The following CMIP variants were observed in gnomAD, a reference collection of about 807,000 sequenced individuals.
CMIP encodes the protein C-Maf-inducing protein.
Under a neutral mutation model 97.3 loss-of-function variants are expected in CMIP, and 13 were observed. The observed-to-expected ratio is 0.13, with a 90% CI of 0.09 to 0.21. CMIP has a LOEUF of 0.21. Ranked by LOEUF, CMIP falls within the 10% of genes least tolerant of loss-of-function variation. The probability of loss-of-function intolerance (pLI) is 1.00; values close to 1 mark genes in which losing one functional copy is unlikely to be tolerated. For synonymous variants in CMIP, 538 were observed against 436.3 expected (o/e 1.23, Z -2.91); for missense variants, 847 against 1,024.9 (o/e 0.83, Z 2.37).
intron 1 of CMIP, among the ~76,000 whole-genome samples, chr16:81,549,035 T>C (rs1325349266): frequency 6.6e-6 from 1 of 152,200 alleles, no homozygotes; most frequent in African/African-American, 2.4e-5. Flanking sequence ...CATGGGCCTG[T>C]ACTCAGTTCC....
chr16:81,650,618 G>A (rs2092417089), intron 3 of CMIP, among the ~76,000 whole-genome samples: 1 of 152,126 alleles, frequency 6.6e-6, no homozygotes, highest in Admixed American at 6.5e-5. Context: ...ATGCCGTATT[G>A]GCCTAGGTTT....
intron 2 of CMIP, among the ~76,000 whole-genome samples, chr16:81,608,321 C>T (rs911836232): frequency 1.3e-4 from 19 of 151,974 alleles, no homozygotes; most frequent in East Asian, 3.9e-4. Flanking sequence ...TTGCTGGATC[C>T]GGGGGTCAGA....
chr16:81,608,982 C>A (rs2091787141), intron 2 of CMIP, among the ~76,000 whole-genome samples: 2 of 152,194 alleles, frequency 1.3e-5, no homozygotes, highest in Admixed American at 1.3e-4. Flanking sequence ...GTCACCCAGT[C>A]TGGGCTCCAA....
chr16:81,657,489 C>T (rs1281041806), intron 4 of CMIP, among the ~76,000 whole-genome samples: 2 of 152,130 alleles, frequency 1.3e-5, no homozygotes, highest in African/African-American at 4.8e-5. Flanking sequence ...TTGACCGAAG[C>T]AGGAACTGAG....
intron 3 of CMIP, among the ~76,000 whole-genome samples, chr16:81,647,605 C>T (rs1243573565): frequency 6.6e-6 from 1 of 152,126 alleles, no homozygotes; most frequent in Non-Finnish European, 1.5e-5. Context: ...GGCCACCCAC[C>T]CCACCTGGCA....
intron 1 of CMIP, among the ~76,000 whole-genome samples, chr16:81,506,006 A>G (rs185524898): frequency 3.9e-5 from 6 of 152,364 alleles, no homozygotes; most frequent in Admixed American, 3.9e-4. Context: ...AAAATAAAAT[A>G]AAATAAATCA....
chr16:81,446,354 T>A (rs560329468), intron 1 of CMIP, among the ~76,000 whole-genome samples: 9 of 152,262 alleles, frequency 5.9e-5, no homozygotes, highest in African/African-American at 2.2e-4. Flanking sequence ...GGAAAAACCA[T>A]TGATCTGTTT....
At chr16:81,571,246 G>A (rs2091082189) in intron 1 of CMIP, among the ~76,000 whole-genome samples, 1 of 152,124 alleles carries the variant, frequency 6.6e-6, no homozygotes, top group Admixed American at 6.5e-5. Context: ...CAGGTGGGAG[G>A]ATTGCTTGAG....
intron 1 of CMIP, among the ~76,000 whole-genome samples, chr16:81,505,346 T>G (rs929788951): frequency 1.3e-5 from 2 of 152,210 alleles, no homozygotes; most frequent in Non-Finnish European, 2.9e-5. Context: ...CATGTTGTTG[T>G]TTCGCTTCTG....
chr16:81,661,593 C>T (rs1013295072), intron 6 of CMIP, among the ~76,000 whole-genome samples: 3 of 152,238 alleles, frequency 2.0e-5, no homozygotes, highest in Admixed American at 1.3e-4. Flanking sequence ...CATCCCTCCC[C>T]GCTCCCATTA....
At chr16:81,667,799 A>AGAGAGAGAGAGAGTGAGTGTGTGTGT in intron 7 of CMIP, among the ~76,000 whole-genome samples, 1 of 58,096 alleles carries the variant, frequency 1.7e-5, no homozygotes, top group Non-Finnish European at 3.2e-5. Context: ...AGAGAGAGAG[A>AGAGAGAGAGAGAGTGAGTGTGTGTGT]GTGTGTGTGT....
At chr16:81,553,097 C>T (rs771925710) in intron 1 of CMIP, among the ~76,000 whole-genome samples, 9 of 152,178 alleles carry the variant, frequency 5.9e-5, no homozygotes, top group Admixed American at 1.3e-4. Context: ...TGCTTAGCCA[C>T]GTGGGTCCCA....
chr16:81,671,429 A>G (rs1430263376), intron 8 of CMIP, among the ~76,000 whole-genome samples: 1 of 152,234 alleles, frequency 6.6e-6, no homozygotes, highest in Non-Finnish European at 1.5e-5. Context: ...AGGACTTAGT[A>G]ACTATGTTGG....
At chr16:81,641,169 T>C (rs1288383799) in intron 3 of CMIP, among the ~76,000 whole-genome samples, 45 of 152,254 alleles carry the variant, frequency 3.0e-4, no homozygotes. Flanking sequence ...GCAATTCCTG[T>C]GCACACGAAT....
chr16:81,697,991 G>GCCCCCCC (rs747163023), intron 14 of CMIP: 102 of 138,114 alleles, frequency 7.4e-4, no homozygotes, highest in Non-Finnish European at 1.1e-3. Context: ...GCTCAGCTGC[G>GCCCCCCC]CCCCCCCGCC....
At chr16:81,645,192 G>A (rs1282178369) in intron 3 of CMIP, among the ~76,000 whole-genome samples, 2 of 152,228 alleles carry the variant, frequency 1.3e-5, no homozygotes, top group Non-Finnish European at 2.9e-5. Flanking sequence ...TCTGGACTAG[G>A]CAGCTCCGCT....
At chr16:81,624,838 C>A (rs957220615) in intron 3 of CMIP, among the ~76,000 whole-genome samples, 1 of 152,148 alleles carries the variant, frequency 6.6e-6, no homozygotes, top group Admixed American at 6.5e-5. Context: ...AGGCAAATAT[C>A]CAGGTCATCT....
chr16:81,521,354 T>C (rs1467580202), intron 1 of CMIP, among the ~76,000 whole-genome samples: 1 of 141,458 alleles, frequency 7.1e-6, no homozygotes, highest in Non-Finnish European at 1.5e-5. Context: ...AGGTTTTAGT[T>C]ATCTGGTGGC....
intron 1 of CMIP, among the ~76,000 whole-genome samples, chr16:81,452,456 T>G (rs992662646): frequency 3.3e-5 from 5 of 152,140 alleles, no homozygotes; most frequent in African/African-American, 7.2e-5. Flanking sequence ...TCGTGGAGCC[T>G]GTGTTGGTGG....
Sources: gnomAD v4.1 joint callset for allele counts (sites outside exome capture counted in the v4.1 genomes callset) on GRCh38, gnomAD v4.1.1 for gene constraint, MANE v1.5 for transcripts, NCBI Gene and HGNC (gene_info 2026-07-23, HGNC 2026-07-21) for gene names.